The following DYM variants were observed in gnomAD, a reference collection of about 807,000 sequenced individuals.
DYM encodes dymeclin.
DYM carries 78 observed loss-of-function variants against 93.1 expected under a neutral mutation model. That is an observed-to-expected ratio of 0.84 (90% CI 0.70 to 1.01). The LOEUF is 1.01. Ranked by LOEUF, DYM falls within the 50% of genes least tolerant of loss-of-function variation. The pLI is 0.00. For synonymous variants in DYM, 321 were observed against 319.7 expected (o/e 1.00, Z -0.04); for missense variants, 789 against 845.0 (o/e 0.93, Z 0.82).
chr18:49,195,010 C>A (rs1380353912), intron 14 of DYM, among the ~76,000 whole-genome samples: 2 of 151,966 alleles, frequency 1.3e-5, no homozygotes, highest in East Asian at 3.9e-4. Context: ...CAAATTTTTC[C>A]AATTTTGTGT....
chr18:49,373,324 G>A (rs2067215076), intron 5 of DYM, among the ~76,000 whole-genome samples: 1 of 152,052 alleles, frequency 6.6e-6, no homozygotes, highest in South Asian at 2.1e-4. Flanking sequence ...CAGTCCCCAG[G>A]GCTGCCAGTT....
At chr18:49,402,605 A>C (rs534258742) in intron 2 of DYM, among the ~76,000 whole-genome samples, 7 of 152,238 alleles carry the variant, frequency 4.6e-5, no homozygotes, top group Non-Finnish European at 7.3e-5. Flanking sequence ...CATAATCTTT[A>C]AAAATTCTTG....
chr18:49,113,917 T>C (rs1839520805), intron 16 of DYM, among the ~76,000 whole-genome samples: 2 of 152,346 alleles, frequency 1.3e-5, no homozygotes, highest in South Asian at 4.1e-4. Context: ...GGAATCTTAA[T>C]TAGGTTTATC....
At chr18:49,149,661 T>A (rs1334645999) in intron 15 of DYM, among the ~76,000 whole-genome samples, 1 of 151,526 alleles carries the variant, frequency 6.6e-6, no homozygotes, top group East Asian at 1.9e-4. Flanking sequence ...TAAATATTTG[T>A]TGGATGAAAG....
chr18:49,086,260 G>A (rs974590520), intron 17 of DYM, among the ~76,000 whole-genome samples: 1 of 152,192 alleles, frequency 6.6e-6, no homozygotes, highest in African/African-American at 2.4e-5. Context: ...TCTTGCTGGT[G>A]GAGACCCTCT....
chr18:49,458,078 G>A (rs2083155961), intron 1 of DYM, among the ~76,000 whole-genome samples: 2 of 152,164 alleles, frequency 1.3e-5, no homozygotes, highest in South Asian at 4.1e-4. Context: ...ATTGTTTTAA[G>A]CCACTAAATT....
intron 3 of DYM, among the ~76,000 whole-genome samples, chr18:49,384,798 T>C (rs1190361007): frequency 6.7e-6 from 1 of 148,564 alleles, no homozygotes; most frequent in Non-Finnish European, 1.5e-5. Context: ...GGAAGAAATA[T>C]GAGAAAAGAA....
rs144960380 is a variant in DYM at position 49,440,010 on chromosome 18, C to CAATAAATA, written c.-53-9571_-53-9564dup. ...GGGCAACAGAGGGAGACTCTGTCAC[C>CAATAAATA]AATAAATAAATAAATAAATAAATAA... On this transcript the variant is annotated intron_variant, in intron 1 of 17. Coordinates refer to ENST00000675505, the MANE Select transcript of DYM (RefSeq NM_001353214.3). Among the ~76,000 whole-genome samples, 352 of 132,210 alleles carry CAATAAATA rather than the reference C, an allele frequency of 2.7e-3. 8 individuals are homozygous for CAATAAATA. Among genetic ancestry groups the CAATAAATA allele is most frequent in the African/African-American group, 4.2e-3 (155 of 36,840 alleles). The allele number at this position is 132,210 out of a possible 152,430, so 86.7% of individuals were successfully genotyped here. A position where few individuals can be genotyped will look rare whatever the true frequency, so the allele number is the denominator to read the frequency against.
At chr18:49,454,865 G>A (rs377078130) in intron 1 of DYM, among the ~76,000 whole-genome samples, 6 of 139,902 alleles carry the variant, frequency 4.3e-5, no homozygotes, top group Non-Finnish European at 6.0e-5. Context: ...CCGAGATCGC[G>A]CCACTGCACT....
At chr18:49,425,112 C>T (rs2074137941) in intron 2 of DYM, among the ~76,000 whole-genome samples, 1 of 152,160 alleles carries the variant, frequency 6.6e-6, no homozygotes, top group Non-Finnish European at 1.5e-5. Flanking sequence ...AAGAACAAAG[C>T]TGCAGGCATC....
chr18:49,094,029 T>C (rs2079321470), intron 17 of DYM, among the ~76,000 whole-genome samples: 1 of 152,234 alleles, frequency 6.6e-6, no homozygotes, highest in Admixed American at 6.5e-5. Context: ...GTTTGGTTAA[T>C]GTCAATAACA....
At chr18:49,142,609 C>A (rs1325488887) in intron 15 of DYM, among the ~76,000 whole-genome samples, 2 of 152,136 alleles carry the variant, frequency 1.3e-5, no homozygotes, top group East Asian at 3.8e-4. Context: ...GTTTTAAAAA[C>A]ATTTCTGTTA....
chr18:49,397,936 T>C (rs375308760), intron 2 of DYM, among the ~76,000 whole-genome samples: 11 of 152,218 alleles, frequency 7.2e-5, no homozygotes, highest in African/African-American at 2.7e-4. Context: ...AACCTTAAAT[T>C]ACAAATGTGG....
chr18:49,209,843 CTG>C, intron 13 of DYM, 128 bp from the exon 14 acceptor site: 1 of 473,270 alleles, frequency 2.1e-6, no homozygotes, highest in Middle Eastern at 8.1e-4. Context: ...AAAAAAAAAA[CTG>C]TCAGAATAAA....
chr18:49,362,813 A>T (rs527282960), intron 6 of DYM, among the ~76,000 whole-genome samples: 25 of 152,296 alleles, frequency 1.6e-4, no homozygotes, highest in African/African-American at 5.8e-4. Context: ...GATAAGGAGA[A>T]CTCAACTCAC....
In DYM at chr18:49,258,974, GA is replaced by G. The variant is rs1417772743; in HGVS notation, c.1252-482del. On this transcript the variant is annotated intron_variant, in intron 11 of 17. Transcript: ENST00000675505. ...CCCCAAAGAAAGAGGTAAAATGGGG[GA>G]AAAAACAAAAAAAAAAACAAACCAA... Among the ~76,000 whole-genome samples the G allele has an allele frequency of 1.7e-4, 13 of 74,412 alleles. No individual in the cohort carries two copies. In the East Asian group the frequency reaches 3.4e-3, roughly 19 times the overall value. The allele number at this position is 74,412 out of a possible 152,430, so 48.8% of individuals were successfully genotyped here. A position where few individuals can be genotyped will look rare whatever the true frequency, so the allele number is the denominator to read the frequency against.
At chr18:49,381,222 T>C (rs1008528214) in intron 3 of DYM, among the ~76,000 whole-genome samples, 1 of 152,118 alleles carries the variant, frequency 6.6e-6, no homozygotes, top group Non-Finnish European at 1.5e-5. Flanking sequence ...TATTTGAACT[T>C]ACTGAAATGT....
chr18:49,037,235 C>T lies in DYM; in HGVS notation c.*6820G>A, dbSNP rs936990007. ...AATAACCAACTTTTGACTTTGATTC[C>T]CTTTATTGTATATTTGTGTTCTATA... On this transcript the variant is annotated 3_prime_UTR_variant, in exon 18 of 18. Coordinates refer to ENST00000675505, the MANE Select transcript of DYM (RefSeq NM_001353214.3). Among the ~76,000 whole-genome samples, 1 of 151,964 alleles carries T rather than the reference C, an allele frequency of 6.6e-6. No homozygotes were observed. Among genetic ancestry groups the T allele is most frequent in the African/African-American group, 2.4e-5 (1 of 41,352 alleles).
chr18:49,156,997 A>T (rs186101870), intron 15 of DYM, among the ~76,000 whole-genome samples: 28 of 151,396 alleles, frequency 1.8e-4, no homozygotes, highest in Non-Finnish European at 2.9e-5. Context: ...GCCTGCCAAC[A>T]TGGCCCCCAT....
Sources: allele counts gnomAD v4.1 joint callset (sites outside exome capture counted in the v4.1 genomes callset), GRCh38; gene constraint gnomAD v4.1.1; transcripts MANE v1.5; gene names NCBI Gene and HGNC (gene_info 2026-07-23, HGNC 2026-07-21).